Variants in SLC43A2 observed in about 807,000 individuals in gnomAD.
The protein encoded by SLC43A2 is large neutral amino acids transporter small subunit 4.
In SLC43A2, 38 loss-of-function variants were observed where a neutral mutation model predicts 63.2. That is an observed-to-expected ratio of 0.60 (90% CI 0.46 to 0.79). The LOEUF (loss-of-function observed/expected upper bound fraction) is 0.79, where lower values mean the gene tolerates loss of function less well. Ranked by LOEUF, SLC43A2 falls within the 30% of genes least tolerant of loss-of-function variation. SLC43A2 has a pLI of 0.00. For synonymous variants in SLC43A2, 322 were observed against 331.0 expected (o/e 0.97, Z 0.30); for missense variants, 644 against 756.2 (o/e 0.85, Z 1.74).
At position 1,573,948 on chromosome 17, in the gene SLC43A2, T is replaced by C. The variant is rs2075884273; in HGVS notation, c.*1656A>G. 6.6e-6 allele frequency: 1 copy of C among 152,170 alleles called. No individual in the cohort carries two copies. The highest frequency in any genetic ancestry group is 2.4e-5 in the African/African-American group (1 of 41,424). 9.4% of individuals were successfully genotyped at this position (152,170 alleles called of 1,614,324 possible). ...TTAAATATTTGAGTGAAATAAAGCC[T>C]AGGAGATATGTGTTCCAGGCGCCCA... On this transcript the variant is annotated 3_prime_UTR_variant, in exon 14 of 14. Transcript: ENST00000301335.
rs1269460789 is a variant in SLC43A2, at chr17:1,578,146, G to A, written c.1424+104C>T. On this transcript the variant is annotated intron_variant, in intron 12 of 13. Coordinates refer to ENST00000301335, the MANE Select transcript of SLC43A2 (RefSeq NM_152346.3). The surrounding 1 kb of genome is among the most constrained non-coding windows in gnomAD (Gnocchi z 6.5). ...CTGAAGCAGGAAGATGAGCCCTTCT[G>A]GGACAGGCTGACCCTGCCTCAGAGT... 17 of 1,158,950 alleles carry A rather than the reference G, an allele frequency of 1.5e-5. 1 individual carries two copies. Among genetic ancestry groups the A allele is most frequent in the East Asian group, 2.4e-5 (1 of 41,242 alleles). 71.8% of individuals were successfully genotyped at this position (1,158,950 alleles called of 1,614,324 possible). A position where few individuals can be genotyped will look rare whatever the true frequency, so the allele number is the denominator to read the frequency against.
rs147629205 is a variant in SLC43A2, at chr17:1,626,255, G to C, written c.160+1460C>G. On this transcript the variant is annotated intron_variant, in intron 2 of 13. Transcript: ENST00000301335. ...AGCAGGAAGGGTCACGATCTCTAAGGGGGGAGAGAGGAAAGGAGAGGAAGA... is the reference window on the plus strand; with the variant it reads ...AGCAGGAAGGGTCACGATCTCTAAGCGGGGAGAGAGGAAAGGAGAGGAAGA... Among the ~76,000 whole-genome samples, 461 of 150,980 alleles carry C rather than the reference G, an allele frequency of 3.1e-3. 3 individuals carry two copies. Among genetic ancestry groups the C allele is most frequent in the African/African-American group, 9.9e-3 (408 of 41,072 alleles).
At chr17:1,609,238 G>A (rs886171519) in intron 5 of SLC43A2, among the ~76,000 whole-genome samples, 2 of 152,072 alleles carry the variant, frequency 1.3e-5, no homozygotes, top group African/African-American at 4.8e-5. Context: ...AATTTCACTC[G>A]TCGCCCAGGC....
At chr17:1,590,969 G>T (rs1292580248) in intron 8 of SLC43A2, 21 bp from the exon 9 acceptor site, 1 of 1,548,094 alleles carries the variant, frequency 6.5e-7, no homozygotes, top group Admixed American at 2.0e-5. Context: ...AGGGTGCGGG[G>T]CTCAGGGCCG....
intron 5 of SLC43A2, among the ~76,000 whole-genome samples, chr17:1,610,840 T>C (rs1907028177): frequency 6.6e-6 from 1 of 151,758 alleles, no homozygotes; most frequent in Non-Finnish European, 1.5e-5. Flanking sequence ...TCTTTCTTTT[T>C]TTCCTTTTTT....
At chr17:1,581,530 G>A (rs949264921) in intron 11 of SLC43A2, among the ~76,000 whole-genome samples, 21 of 152,182 alleles carry the variant, frequency 1.4e-4, no homozygotes, top group Non-Finnish European at 2.4e-4. Flanking sequence ...GGTGTTCAAC[G>A]TACCTCAAGG....
At chr17:1,588,172 G>A (rs1430180152) in intron 9 of SLC43A2, among the ~76,000 whole-genome samples, 4 of 152,106 alleles carry the variant, frequency 2.6e-5, no homozygotes, top group South Asian at 2.1e-4. Context: ...GCTGAGGCAC[G>A]TGGATCACTT....
Position 1,627,907 on chromosome 17 carries a change from C to T in SLC43A2, c.-33G>A, listed in dbSNP as rs1203694748. 10 of 1,519,098 alleles carry T rather than the reference C, an allele frequency of 6.6e-6. No homozygotes were observed. The highest frequency in any genetic ancestry group is 1.4e-5 in the African/African-American group (1 of 70,850). The allele number at this position is 1,519,098 out of a possible 1,614,324, so 94.1% of individuals were successfully genotyped here. On this transcript the variant is annotated 5_prime_UTR_variant, in exon 2 of 14. Coordinates refer to ENST00000301335, the MANE Select transcript of SLC43A2 (RefSeq NM_152346.3). ...CGCGGCGCGGCTCCGGCTCCGGCTCCGGCTCTGCACCACCTGCGCACAGAA... is the reference window on the plus strand; with the variant it reads ...CGCGGCGCGGCTCCGGCTCCGGCTCTGGCTCTGCACCACCTGCGCACAGAA...
At position 1,575,365 on chromosome 17, in the gene SLC43A2, C is replaced by T. The variant is rs887826923; in HGVS notation, c.*239G>A. 4 of 563,984 alleles carry T rather than the reference C, an allele frequency of 7.1e-6. No homozygotes were observed. Among genetic ancestry groups the T allele is most frequent in the Admixed American group, 3.5e-5 (1 of 28,922 alleles). The allele number at this position is 563,984 out of a possible 1,614,324, so 34.9% of individuals were successfully genotyped here. A position where few individuals can be genotyped will look rare whatever the true frequency, so the allele number is the denominator to read the frequency against. The stretch of plus-strand genomic sequence containing the variant: ...ACAGAGACCCCAGGCCCCGGGTCCC[C>T]GGGGGGCGGCAGAGCAAAGTCAGGG... On this transcript the variant is annotated 3_prime_UTR_variant, in exon 14 of 14. Transcript: ENST00000301335.
chr17:1,599,671 A>C (rs1487104909), intron 5 of SLC43A2, among the ~76,000 whole-genome samples: 2 of 152,040 alleles, frequency 1.3e-5, no homozygotes, highest in Non-Finnish European at 2.9e-5. Context: ...ACTGCACTCC[A>C]GCCTGGGCAA....
chr17:1,619,064 G>T (rs1362961132), intron 2 of SLC43A2, among the ~76,000 whole-genome samples: 3 of 151,660 alleles, frequency 2.0e-5, no homozygotes, highest in Non-Finnish European at 4.4e-5. Flanking sequence ...CAGCCCTTCG[G>T]GAGGCCAAGG....
intron 9 of SLC43A2, among the ~76,000 whole-genome samples, chr17:1,586,429 G>T (rs1468596369): frequency 6.6e-6 from 1 of 152,154 alleles, no homozygotes; most frequent in Non-Finnish European, 1.5e-5. Context: ...GGGCGCGGTG[G>T]CTCATGCCTG....
chr17:1,625,444 C>T (rs1908577794), intron 2 of SLC43A2, among the ~76,000 whole-genome samples: 1 of 152,218 alleles, frequency 6.6e-6, no homozygotes, highest in Non-Finnish European at 1.5e-5. Flanking sequence ...ATCAGCCGGA[C>T]ACTGCTCAGG....
In SLC43A2 at chr17:1,591,716, G is replaced by A. The variant is rs1226116985; in HGVS notation, c.595-17C>T. 16 of 1,031,102 alleles carry A rather than the reference G, an allele frequency of 1.6e-5. No individual in the cohort carries two copies. The highest frequency in any genetic ancestry group is 2.3e-5 in the Non-Finnish European group (16 of 709,302). 63.9% of individuals were successfully genotyped at this position (1,031,102 alleles called of 1,614,324 possible). A position where few individuals can be genotyped will look rare whatever the true frequency, so the allele number is the denominator to read the frequency against. On this transcript the variant is annotated splice_polypyrimidine_tract_variant and intron_variant, in intron 6 of 13. Transcript: ENST00000301335. The stretch of plus-strand genomic sequence containing the variant: ...ATAGATGAGCTGACAGGCACCGCGG[G>A]GACGGGGTGGGGGGGGGAGGGGGCA...
chr17:1,605,328 G>T lies in SLC43A2; in HGVS notation c.501+7867C>A. 1 of 713,080 alleles carries T rather than the reference G, an allele frequency of 1.4e-6. No homozygotes were observed. The highest frequency in any genetic ancestry group is 1.8e-6 in the Non-Finnish European group (1 of 568,984). The allele number at this position is 713,080 out of a possible 1,614,324, so 44.2% of individuals were successfully genotyped here. A position where few individuals can be genotyped will look rare whatever the true frequency, so the allele number is the denominator to read the frequency against. On this transcript the variant is annotated intron_variant, in intron 5 of 13. Transcript: ENST00000301335. This position sits in a 1 kb window ranked among gnomAD's most constrained non-coding sequence, Gnocchi z 4.9. ...AGCAGCTGCAGGCGGCCCCTCCCCT[G>T]GCATTCTGGCCATAGAGCATGACCA...
intron 2 of SLC43A2, among the ~76,000 whole-genome samples, chr17:1,622,387 C>T (rs1202094146): frequency 6.6e-6 from 1 of 150,970 alleles, no homozygotes; most frequent in African/African-American, 2.4e-5. Flanking sequence ...CACGGTGAAA[C>T]CCCGTCTCTA....
rs903801335 is a variant in SLC43A2, at chr17:1,573,430, C to G, written c.*2174G>C. On this transcript the variant is annotated 3_prime_UTR_variant, in exon 14 of 14. Coordinates refer to ENST00000301335, the MANE Select transcript of SLC43A2 (RefSeq NM_152346.3). ...CGAGCCGTTCCTCGGCAGCACAGCACACCCGCTCCTGAGGAGCCACGGAGC... is the reference window on the plus strand; with the variant it reads ...CGAGCCGTTCCTCGGCAGCACAGCAGACCCGCTCCTGAGGAGCCACGGAGC... 14 of 152,390 alleles carry G rather than the reference C, an allele frequency of 9.2e-5. No individual in the cohort carries two copies. Among genetic ancestry groups the G allele is most frequent in the Middle Eastern group, 3.4e-3 (1 of 294 alleles). The allele number at this position is 152,390 out of a possible 1,614,324, so 9.4% of individuals were successfully genotyped here.
At position 1,577,849 on chromosome 17, in the gene SLC43A2, G is replaced by A. The variant is rs944322717; in HGVS notation, c.1424+401C>T. The stretch of plus-strand genomic sequence containing the variant: ...GACTCAGTCACCCATGTTGCTGCCC[G>A]TGATGAGGGCAACTGGAACTTCCGC... On this transcript the variant is annotated intron_variant, in intron 12 of 13. Transcript: ENST00000301335. This position sits in a 1 kb window ranked among gnomAD's most constrained non-coding sequence, Gnocchi z 4.9. 3.3e-5 allele frequency among the ~76,000 whole-genome samples: 5 copies of A among 152,166 alleles called. No homozygotes were observed. The highest frequency in any genetic ancestry group is 6.6e-5 in the Admixed American group (1 of 15,264).
chr17:1,578,127 C>G lies in SLC43A2; in HGVS notation c.1424+123G>C, dbSNP rs985497970. Reference sequence around the variant, plus strand: ...AAACCCTGGTACCTGTCCCCTGAAGCAGGAAGATGAGCCCTTCTGGGACAG... The same window carrying G: ...AAACCCTGGTACCTGTCCCCTGAAGGAGGAAGATGAGCCCTTCTGGGACAG... On this transcript the variant is annotated intron_variant, in intron 12 of 13. Coordinates refer to ENST00000301335, the MANE Select transcript of SLC43A2 (RefSeq NM_152346.3). The surrounding 1 kb of genome is among the most constrained non-coding windows in gnomAD (Gnocchi z 6.5). 2 of 913,820 alleles carry G rather than the reference C, an allele frequency of 2.2e-6. No individual in the cohort carries two copies. The highest frequency in any genetic ancestry group is 4.4e-5 in the Admixed American group (2 of 45,094). 56.6% of individuals were successfully genotyped at this position (913,820 alleles called of 1,614,324 possible).
Sources: gnomAD v4.1 joint callset for allele counts (sites outside exome capture counted in the v4.1 genomes callset) on GRCh38, gnomAD v4.1.1 for gene constraint, Gnocchi (gnomAD v3.1) non-coding constraint, MANE v1.5 for transcripts, NCBI Gene and HGNC (gene_info 2026-07-23, HGNC 2026-07-21) for gene names.